The following DNASE1L3 variants were observed in gnomAD, a reference collection of about 807,000 sequenced individuals.
DNASE1L3 encodes deoxyribonuclease 1L3, also known as deoxyribonuclease gamma.
Under a neutral mutation model 30.9 loss-of-function variants are expected in DNASE1L3, and 27 were observed. The ratio of observed to expected loss-of-function variants is 0.87; its 90% CI spans 0.64 to 1.20. The LOEUF (loss-of-function observed/expected upper bound fraction) is 1.20. DNASE1L3 is among the 50% of genes most tolerant of loss of function. The pLI is 0.00. For synonymous variants in DNASE1L3, 135 were observed against 138.0 expected (o/e 0.98, Z 0.15); for missense variants, 364 against 378.2 (o/e 0.96, Z 0.31).
rs773782186 is a variant in DNASE1L3, at chr3:58,210,846, T to C, written c.61A>G (p.Met21Val). 1.1e-5 allele frequency: 17 copies of C among 1,614,044 alleles called. No individual in the cohort carries two copies. Among genetic ancestry groups the C allele is most frequent in the East Asian group, 2.2e-5 (1 of 44,882 alleles). The change falls in exon 1 of 8, where the codon ATG becomes GTG. Residue 21 changes from methionine to valine, a missense_variant. Met to Val is a conservative substitution (Grantham distance 21). Transcript: ENST00000394549. Reference protein sequence around the residue: ...LLLSIHSALAMRICSFNVRSF... With the variant: ...LLLSIHSALAVRICSFNVRSF... ...CTGACGTTGAAGGAGCAGATCCTCA[T>C]GGCCAGGGCGCTGTGGATGGAGAGG...
rs539099952 is a variant in DNASE1L3, at chr3:58,210,648, C to T, written c.141+118G>A. 4 of 1,487,610 alleles carry T rather than the reference C, an allele frequency of 2.7e-6. No homozygotes were observed. In the South Asian group the frequency reaches 5.0e-5, roughly 19 times the overall value. 92.2% of individuals were successfully genotyped at this position (1,487,610 alleles called of 1,614,324 possible). A position where few individuals can be genotyped will look rare whatever the true frequency, so the allele number is the denominator to read the frequency against. On this transcript the variant is annotated intron_variant, in intron 1 of 7. Coordinates refer to ENST00000394549, the MANE Select transcript of DNASE1L3 (RefSeq NM_004944.4). ...GAGTTGAAGTGGTTATTGTTCCAAG[C>T]CAGCTTCTACATTCCCCCTAAGGGC...
At chr3:58,196,669 T>C (rs3856706) in intron 6 of DNASE1L3, among the ~76,000 whole-genome samples, 1 of 151,488 alleles carries the variant, frequency 6.6e-6, no homozygotes, top group African/African-American at 2.4e-5. Flanking sequence ...CTGGGAACTG[T>C]GGCCACCACC....
Position 58,192,510 on chromosome 3 carries a change from G to T in DNASE1L3, c.*177C>A. 1 of 627,420 alleles carries T rather than the reference G, an allele frequency of 1.6e-6. No homozygotes were observed. The highest frequency in any genetic ancestry group is 2.1e-5 in the South Asian group (1 of 47,100). The allele number at this position is 627,420 out of a possible 1,614,324, so 38.9% of individuals were successfully genotyped here. A position where few individuals can be genotyped will look rare whatever the true frequency, so the allele number is the denominator to read the frequency against. Reference sequence around the variant, plus strand: ...TTTAGACAATTCAGGGGAGGTATGAGACCAAGAGAGATACAAAAGATTCTC... The same window carrying T: ...TTTAGACAATTCAGGGGAGGTATGATACCAAGAGAGATACAAAAGATTCTC... On this transcript the variant is annotated 3_prime_UTR_variant, in exon 8 of 8. Transcript: ENST00000394549. The surrounding 1 kb of genome is among the most constrained non-coding windows in gnomAD (Gnocchi z 4.8).
In DNASE1L3 at chr3:58,208,101, G is replaced by A. The variant is rs1313366765; in HGVS notation, c.230+117C>T. 1.0e-5 allele frequency: 10 copies of A among 958,094 alleles called. No individual in the cohort carries two copies. In the Admixed American group the frequency reaches 1.6e-4, roughly 15 times the overall value. The allele number at this position is 958,094 out of a possible 1,614,324, so 59.3% of individuals were successfully genotyped here. On this transcript the variant is annotated intron_variant, in intron 2 of 7. Transcript: ENST00000394549. ...GGGAGCTGGACTCCTGGGCAACACT[G>A]GCTGTGTGAACTGGTGGTCAAGTGC... is the stretch of plus-strand genomic sequence containing the variant.
Position 58,192,750 on chromosome 3 carries a change from C to T in DNASE1L3, c.855G>A (p.Arg285=). 1.9e-6 allele frequency: 3 copies of T among 1,614,010 alleles called. No individual in the cohort carries two copies. Among genetic ancestry groups the T allele is most frequent in the Non-Finnish European group, 2.5e-6 (3 of 1,180,014 alleles). The change falls in exon 8 of 8, where the codon AGG becomes AGA. Residue 285 remains arginine (R), a synonymous_variant. Transcript: ENST00000394549. The surrounding 1 kb of genome is among the most constrained non-coding windows in gnomAD (Gnocchi z 4.8). ...CAGATTTTTTGCTGTTGGTGAAGGC[C>T]CTTGAAGACTGTAGTTTAAATTCAA... ...FPVEFKLQSS[R]AFTNSKKSVT...
At chr3:58,194,583 G>C (rs910612498) in intron 6 of DNASE1L3, among the ~76,000 whole-genome samples, 3 of 149,756 alleles carry the variant, frequency 2.0e-5, no homozygotes, top group Non-Finnish European at 4.4e-5. Flanking sequence ...ACCTCCCAAA[G>C]TGCTGGGATT....
intron 6 of DNASE1L3, 125 bp from the exon 7 acceptor site, chr3:58,193,564 T>A: frequency 2.6e-6 from 2 of 768,136 alleles, no homozygotes; most frequent in Non-Finnish European, 4.2e-6. Context: ...GCGCTCAAAG[T>A]CCAGAGCTGG....
chr3:58,208,494 G>A (rs1392877112), intron 1 of DNASE1L3, among the ~76,000 whole-genome samples, 188 bp from the exon 2 acceptor site: 1 of 152,168 alleles, frequency 6.6e-6, no homozygotes, highest in Non-Finnish European at 1.5e-5. Flanking sequence ...AGAGGAGCGT[G>A]AGACTCAGAG....
At chr3:58,208,860 TAA>T (rs72251820) in intron 1 of DNASE1L3, among the ~76,000 whole-genome samples, 18,920 of 152,094 alleles carry the variant, frequency 0.12, 1,652 homozygotes, top group African/African-American at 0.24. Context: ...GTGACTAGCT[TAA>T]AGTCATACAG....
intron 4 of DNASE1L3, among the ~76,000 whole-genome samples, chr3:58,203,336 C>T (rs894609174): frequency 6.6e-6 from 1 of 152,222 alleles, no homozygotes; most frequent in African/African-American, 2.4e-5. Context: ...TCACTGTGCC[C>T]TCCATGTGGA....
intron 6 of DNASE1L3, among the ~76,000 whole-genome samples, chr3:58,195,595 C>A (rs113049977): frequency 0.075 from 10,487 of 139,548 alleles, 560 homozygotes; most frequent in African/African-American, 0.15. Flanking sequence ...TGGCGAAACC[C>A]CATCTCTACT....
rs1432769161 is a variant in DNASE1L3, at chr3:58,200,162, C to T, written c.546+835G>A. ...TCTGTGAAAACAGCACCCCAAGTTCCTTTGGGAGACCACCCATCCCTCCTC... is the reference window on the plus strand; with the variant it reads ...TCTGTGAAAACAGCACCCCAAGTTCTTTTGGGAGACCACCCATCCCTCCTC... On this transcript the variant is annotated intron_variant, in intron 5 of 7. Transcript: ENST00000394549. The surrounding 1 kb of genome is among the most constrained non-coding windows in gnomAD (Gnocchi z 4.2). 6.6e-6 allele frequency among the ~76,000 whole-genome samples: 1 copy of T among 152,124 alleles called. No homozygotes were observed. The highest frequency in any genetic ancestry group is 1.5e-5 in the Non-Finnish European group (1 of 68,014).
intron 7 of DNASE1L3, chr3:58,193,080 T>C (rs2097395145): frequency 2.5e-6 from 3 of 1,209,438 alleles, no homozygotes; most frequent in East Asian, 6.4e-5. Context: ...CCCATCTTTT[T>C]TTTTTTTTTT....
Position 58,201,105 on chromosome 3 carries a change from G to A in DNASE1L3, c.438C>T (p.Val146=). 6.2e-7 allele frequency: 1 copy of A among 1,606,262 alleles called. No homozygotes were observed. The highest frequency in any genetic ancestry group is 1.1e-5 in the South Asian group (1 of 89,756). The change falls in exon 5 of 8, where the codon GTC becomes GTT. Residue 146 remains valine, a synonymous_variant. Transcript: ENST00000394549. ...GCAGGGGGATAATCACGAAGTCTTT[G>A]ACAGCTGAGAAACAGGAAAGAGGCG... The part of the protein sequence containing the change: ...VVWFQSPHTA[V]KDFVIIPLHT...
Position 58,209,474 on chromosome 3 carries a change from C to T in DNASE1L3, c.142-1168G>A, listed in dbSNP as rs534094463. On this transcript the variant is annotated intron_variant, in intron 1 of 7. Coordinates refer to ENST00000394549, the MANE Select transcript of DNASE1L3 (RefSeq NM_004944.4). The stretch of plus-strand genomic sequence containing the variant: ...TTGAACAATCTTGTCATGGCTCCCA[C>T]AGGCTTGGCATTGCTATCCTGGCTA... Among the ~76,000 whole-genome samples the T allele has an allele frequency of 5.9e-5, 9 of 152,304 alleles. No individual in the cohort carries two copies. In the South Asian group the frequency reaches 1.9e-3, roughly 32 times the overall value.
rs781695312 is a variant in DNASE1L3 at position 58,197,786 on chromosome 3, G to A, written c.704+35C>T. ...TCTTTCCTAGTGCACACCAAGCACT[G>A]TGGTGAGCCAGCAGCACCCTGCAGG... On this transcript the variant is annotated intron_variant, in intron 6 of 7. Transcript: ENST00000394549. This position sits in a 1 kb window ranked among gnomAD's most constrained non-coding sequence, Gnocchi z 5.3. 1 of 1,612,524 alleles carries A rather than the reference G, an allele frequency of 6.2e-7. No individual in the cohort carries two copies. The highest frequency in any genetic ancestry group is 8.5e-7 in the Non-Finnish European group (1 of 1,179,718).
intron 6 of DNASE1L3, among the ~76,000 whole-genome samples, chr3:58,194,851 A>G (rs1469455084): frequency 6.7e-6 from 1 of 149,014 alleles, no homozygotes; most frequent in Non-Finnish European, 1.5e-5. Context: ...GATGGTCTCG[A>G]TCTCCTGACC....
rs1292117540 is a variant in DNASE1L3, at chr3:58,192,794, C to T, written c.811G>A (p.Val271Ile). The T allele has an allele frequency of 5.0e-6, 8 of 1,613,404 alleles. No individual in the cohort carries two copies. The highest frequency in any genetic ancestry group is 3.4e-6 in the Non-Finnish European group (4 of 1,179,884). Reference sequence around the variant, plus strand: ...AATTCAACTGGAAAGTGGTCGCTGACATCCAGGGCCTATAAGGAGAAAGGG... The same window carrying T: ...AATTCAACTGGAAAGTGGTCGCTGATATCCAGGGCCTATAAGGAGAAAGGG... The part of the protein sequence containing the change: ...YKLTEEEALD[V>I]SDHFPVEFKL... Residue 271 changes from valine (V) to isoleucine (I), a missense_variant, in exon 8 of 8, where the codon GTC becomes ATC. By Grantham distance (29) the Val-to-Ile change is conservative (BLOSUM62 3). Coordinates refer to ENST00000394549, the MANE Select transcript of DNASE1L3 (RefSeq NM_004944.4). This position sits in a 1 kb window ranked among gnomAD's most constrained non-coding sequence, Gnocchi z 4.8.
intron 6 of DNASE1L3, among the ~76,000 whole-genome samples, chr3:58,195,238 T>A (rs2097396543): frequency 6.6e-6 from 1 of 152,228 alleles, no homozygotes; most frequent in Non-Finnish European, 1.5e-5. Context: ...TTTTAAAACA[T>A]CATTTTTATG....
Sources: gnomAD v4.1 joint callset for allele counts (sites outside exome capture counted in the v4.1 genomes callset) on GRCh38, gnomAD v4.1.1 for gene constraint, Gnocchi (gnomAD v3.1) non-coding constraint, MANE v1.5 for transcripts, NCBI Gene and HGNC (gene_info 2026-07-23, HGNC 2026-07-21) for gene names.